PLCL2: variants seen among roughly 807,000 people sequenced by gnomAD.
PLCL2 encodes inactive phospholipase C-like protein 2.
In PLCL2, 4 loss-of-function variants were observed where a neutral mutation model predicts 79.6. The ratio of observed to expected loss-of-function variants is 0.05; its 90% CI spans 0.02 to 0.11. The LOEUF is 0.11. PLCL2 is among the 10% of genes least tolerant of loss of function. PLCL2 has a pLI of 1.00. For missense variants in PLCL2, 895 were observed against 1,291.0 expected (o/e 0.69, Z 4.70); for synonymous variants, 484 against 457.7 (o/e 1.06, Z -0.73).
intron 1 of PLCL2, among the ~76,000 whole-genome samples, chr3:16,916,561 G>A (rs1361052345): frequency 6.6e-6 from 1 of 152,158 alleles, no homozygotes; most frequent in African/African-American, 2.4e-5. Flanking sequence ...AGAGCACCCA[G>A]TATGTCAAAG....
intron 1 of PLCL2, among the ~76,000 whole-genome samples, chr3:16,985,900 C>A (rs17042955): frequency 0.017 from 2,566 of 152,196 alleles, 96 homozygotes; most frequent in African/African-American, 0.059. Flanking sequence ...TTTCAATATT[C>A]CCGGCAGCCC....
At chr3:16,987,321 C>T (rs1559509136) in intron 1 of PLCL2, among the ~76,000 whole-genome samples, 1 of 152,102 alleles carries the variant, frequency 6.6e-6, no homozygotes, top group Non-Finnish European at 1.5e-5. Context: ...ACAGCAGCCC[C>T]TCTGCACTGT....
At chr3:17,050,493 T>C (rs1328011847) in intron 4 of PLCL2, among the ~76,000 whole-genome samples, 1 of 152,080 alleles carries the variant, frequency 6.6e-6, no homozygotes, top group Non-Finnish European at 1.5e-5. Context: ...AAATGTTTAA[T>C]AGGAATTTCT....
chr3:16,918,437 T>G (rs1032743672), intron 1 of PLCL2, among the ~76,000 whole-genome samples: 2 of 152,184 alleles, frequency 1.3e-5, no homozygotes, highest in African/African-American at 4.8e-5. Context: ...GATTTTTATG[T>G]ATGAAAATGC....
chr3:17,035,707 A>G (rs2064641887), intron 3 of PLCL2: 1 of 495,234 alleles, frequency 2.0e-6, no homozygotes, highest in Non-Finnish European at 4.0e-6. Context: ...TCTGCAGTGT[A>G]GAAGTTTATA....
chr3:17,052,330 A>G (rs1335651056), intron 4 of PLCL2, among the ~76,000 whole-genome samples: 3 of 151,886 alleles, frequency 2.0e-5, no homozygotes, highest in African/African-American at 7.3e-5. Flanking sequence ...CAGAGGAATT[A>G]ACAGAAGATA....
intron 1 of PLCL2, among the ~76,000 whole-genome samples, chr3:16,885,855 A>T (rs1696208258): frequency 6.6e-6 from 1 of 152,228 alleles, no homozygotes; most frequent in Non-Finnish European, 1.5e-5. Context: ...AAATGTTTAC[A>T]CTTCGAGGGT....
chr3:16,958,609 C>G (rs2063727819), intron 1 of PLCL2, among the ~76,000 whole-genome samples: 1 of 152,064 alleles, frequency 6.6e-6, no homozygotes, highest in Non-Finnish European at 1.5e-5. Flanking sequence ...ACTAATGGAC[C>G]AATTTAATGT....
At chr3:17,015,025 T>G in intron 3 of PLCL2, 114 bp downstream of exon 3, 1 of 771,422 alleles carries the variant, frequency 1.3e-6, no homozygotes, top group South Asian at 1.6e-5. Flanking sequence ...TCATGCTTCA[T>G]TCACCTATGC....
At chr3:17,052,127 A>G (rs2064847470) in intron 4 of PLCL2, among the ~76,000 whole-genome samples, 1 of 152,118 alleles carries the variant, frequency 6.6e-6, no homozygotes, top group African/African-American at 2.4e-5. Context: ...AATCCATGAA[A>G]GTCATCGAGT....
chr3:17,069,137 C>T (rs1403017290), intron 5 of PLCL2, among the ~76,000 whole-genome samples: 2 of 152,088 alleles, frequency 1.3e-5, no homozygotes, highest in Non-Finnish European at 2.9e-5. Context: ...ACCTAACAAC[C>T]CAGTGTGGTC....
At chr3:17,024,914 A>G (rs891658518) in intron 3 of PLCL2, among the ~76,000 whole-genome samples, 1 of 152,194 alleles carries the variant, frequency 6.6e-6, no homozygotes, top group African/African-American at 2.4e-5. Context: ...AGATGTGTTC[A>G]TCTTCATCCA....
At chr3:16,987,763 T>C (rs1460008830) in intron 1 of PLCL2, among the ~76,000 whole-genome samples, 1 of 152,196 alleles carries the variant, frequency 6.6e-6, no homozygotes, top group Non-Finnish European at 1.5e-5. Context: ...ACGTATTCTC[T>C]TCTTTTCTCT....
intron 1 of PLCL2, among the ~76,000 whole-genome samples, chr3:16,992,450 A>G (rs1016651242): frequency 6.6e-6 from 1 of 152,212 alleles, no homozygotes; most frequent in African/African-American, 2.4e-5. Context: ...ACATCCAGCA[A>G]ATAACCCCCA....
At chr3:16,979,811 A>G (rs1186187015) in intron 1 of PLCL2, among the ~76,000 whole-genome samples, 2 of 147,252 alleles carry the variant, frequency 1.4e-5, no homozygotes, top group East Asian at 4.2e-4. Context: ...ATTCCACAAA[A>G]CCGCCATTGT....
chr3:17,048,208 A>G (rs2064801763), intron 4 of PLCL2, among the ~76,000 whole-genome samples: 1 of 152,186 alleles, frequency 6.6e-6, no homozygotes, highest in Non-Finnish European at 1.5e-5. Flanking sequence ...CATAGTAAAG[A>G]AAATCATCTG....
intron 1 of PLCL2, among the ~76,000 whole-genome samples, chr3:16,920,004 T>G (rs1244762045): frequency 6.6e-6 from 1 of 152,218 alleles, no homozygotes; most frequent in Non-Finnish European, 1.5e-5. Flanking sequence ...CAGAGTATAA[T>G]CTTGTCAACC....
chr3:17,022,324 TC>T (rs1313209237), intron 3 of PLCL2, among the ~76,000 whole-genome samples: 4 of 152,172 alleles, frequency 2.6e-5, no homozygotes, highest in Admixed American at 2.0e-4. Flanking sequence ...AGGAGTTACT[TC>T]CTATGTTCCC....
intron 1 of PLCL2, among the ~76,000 whole-genome samples, chr3:16,920,480 C>T (rs552155422): frequency 5.9e-4 from 89 of 152,052 alleles, no homozygotes; most frequent in African/African-American, 2.0e-3. Flanking sequence ...GATAAATTCT[C>T]ACTTATTGAG....
Sources: gnomAD v4.1 joint callset for allele counts (sites outside exome capture counted in the v4.1 genomes callset) on GRCh38, gnomAD v4.1.1 for gene constraint, MANE v1.5 for transcripts, NCBI Gene and HGNC (gene_info 2026-07-23, HGNC 2026-07-21) for gene names.